Variants in ARHGAP22 observed in about 807,000 individuals in gnomAD.
ARHGAP22 encodes rho GTPase-activating protein 22.
In ARHGAP22, 48 loss-of-function variants were observed where a neutral mutation model predicts 59.1. The ratio of observed to expected loss-of-function variants is 0.81; its 90% confidence interval spans 0.64 to 1.03. The LOEUF (loss-of-function observed/expected upper bound fraction) is 1.03, where lower values mean the gene tolerates loss of function less well. ARHGAP22 is among the 50% of genes least tolerant of loss of function. The pLI is 0.00. For synonymous variants in ARHGAP22, 445 were observed against 416.4 expected, an observed-to-expected ratio of 1.07 and a Z score of -0.84; for missense variants, 1,015 against 958.7, an observed-to-expected ratio of 1.06 and a Z score of -0.78.
At chr10:48,454,229 A>T (rs2046275754) in intron 6 of ARHGAP22, 68 bp from the exon 7 acceptor site, 2,453 of 962,456 alleles carry the variant, frequency 2.5e-3, no homozygotes, top group Non-Finnish European at 3.7e-3. Context: ...GACTGCGAGG[A>T]GGGGTGGGCA....
chr10:48,584,901 G>A (rs1461246517), intron 1 of ARHGAP22, among the ~76,000 whole-genome samples: 2 of 151,832 alleles, frequency 1.3e-5, no homozygotes, highest in Non-Finnish European at 2.9e-5. Flanking sequence ...GGCTGAGGCA[G>A]GAGAATGGCC....
At chr10:48,440,407 G>A in the ARHGAP22 span, among the ~76,000 whole-genome samples, 16 of 152,200 alleles carry the variant, frequency 1.1e-4, no homozygotes, top group African/African-American at 3.6e-4. Context: ...AATAGAAAAC[G>A]GATGACAAGA....
chr10:48,547,347 C>G (rs1193542768), intron 3 of ARHGAP22, among the ~76,000 whole-genome samples: 1 of 152,252 alleles, frequency 6.6e-6, no homozygotes, highest in Non-Finnish European at 1.5e-5. Flanking sequence ...AACCCAAGAC[C>G]TCAAAGCCAT....
At chr10:48,645,545 T>C (rs954997411) in intron 1 of ARHGAP22, among the ~76,000 whole-genome samples, 1 of 152,172 alleles carries the variant, frequency 6.6e-6, no homozygotes, top group Non-Finnish European at 1.5e-5. Context: ...ACAAAACCCA[T>C]ATAATCATCT....
chr10:48,550,176 C>A (rs916999937), intron 3 of ARHGAP22, among the ~76,000 whole-genome samples: 1 of 152,218 alleles, frequency 6.6e-6, no homozygotes, highest in Non-Finnish European at 1.5e-5. Context: ...GGGTCGTTGT[C>A]ACTTTATCCT....
chr10:48,607,711 C>T (rs559302260), upstream of ARHGAP22, among the ~76,000 whole-genome samples: 2 of 152,232 alleles, frequency 1.3e-5, no homozygotes, highest in Non-Finnish European at 2.9e-5. Flanking sequence ...AGCTTAGCAG[C>T]GGAGACAGAT....
chr10:48,607,585 G>T (rs768303178), upstream of ARHGAP22, among the ~76,000 whole-genome samples: 2 of 152,180 alleles, frequency 1.3e-5, no homozygotes, highest in African/African-American at 2.4e-5. Flanking sequence ...GACAAGGGCA[G>T]GGCAAGGGGA....
downstream of ARHGAP22, chr10:48,443,978 A>T (rs1224636043): frequency 6.6e-6 from 1 of 152,224 alleles, no homozygotes; most frequent in Non-Finnish European, 1.5e-5. Context: ...CACAATTTCC[A>T]GTATTTCTTT....
At chr10:48,615,590 C>G (rs895107789) in intron 1 of ARHGAP22, among the ~76,000 whole-genome samples, 1 of 152,082 alleles carries the variant, frequency 6.6e-6, no homozygotes. Context: ...AGAAACAAAG[C>G]TACACAAAGT....
intron 3 of ARHGAP22, among the ~76,000 whole-genome samples, chr10:48,545,248 T>C (rs923151731): frequency 5.3e-5 from 8 of 152,248 alleles, no homozygotes; most frequent in African/African-American, 7.2e-5. Flanking sequence ...TGGCTTGCAT[T>C]ACATCTCTAT....
At chr10:48,533,663 C>G (rs1341002289) in intron 3 of ARHGAP22, among the ~76,000 whole-genome samples, 2 of 152,240 alleles carry the variant, frequency 1.3e-5, no homozygotes, top group African/African-American at 4.8e-5. Context: ...TTAGCAACTA[C>G]TCAGCTCCAC....
rs186355047 is a variant in ARHGAP22, at chr10:48,582,875, C to G, written c.234+78G>C. 1.0e-4 allele frequency: 155 copies of G among 1,535,434 alleles called. No homozygotes were observed. The East Asian group carries it at 1.9e-3, about 19-fold the overall frequency. On this transcript the variant is annotated intron_variant, in intron 2 of 9. Transcript: ENST00000249601. ...GGAGTCAGTGGCTCTGTGCCTTCCT[C>G]CCTTCTCCTGGGCATGGTCTTCCCT... is the stretch of plus-strand genomic sequence containing the variant.
chr10:48,619,327 G>A (rs900207786), intron 1 of ARHGAP22, among the ~76,000 whole-genome samples: 11 of 152,088 alleles, frequency 7.2e-5, no homozygotes, highest in Admixed American at 4.6e-4. Context: ...ATTCTTCATA[G>A]AAATGGAAAA....
Position 48,451,089 on chromosome 10 carries a change from T to G in ARHGAP22, c.1040A>C (p.Gln347Pro). ...LMTVLIRKHS[Q>P]LFTAPVPEGP... is the part of the protein sequence containing the mutation. Reference sequence around the variant, plus strand: ...TTCCGGGACCGGTGCCGTGAAGAGCTGGCTGTGTTTGCGGATGAGGACGGT... The same window carrying G: ...TTCCGGGACCGGTGCCGTGAAGAGCGGGCTGTGTTTGCGGATGAGGACGGT... Residue 347 changes from glutamine (Q) to proline (P), a missense_variant, in exon 9 of 10, where the codon CAG (glutamine) becomes CCG (proline). By Grantham distance (76) the Gln-to-Pro change is moderately conservative. Coordinates refer to ENST00000249601, the MANE Select transcript of ARHGAP22 (RefSeq NM_021226.4). 1 of 1,553,098 alleles carries G rather than the reference T, an allele frequency of 6.4e-7. No individual in the cohort carries two copies. Among genetic ancestry groups the G allele is most frequent in the Non-Finnish European group, 8.7e-7 (1 of 1,148,188 alleles).
rs760461863 is a variant in ARHGAP22 at position 48,555,452 on chromosome 10, C to T, written c.322+11G>A. Reference sequence around the variant, plus strand: ...ACCAGGGCTGCAGAGCTGGAAGGTGCTCAGGCCTACCTGGGCTGATCTCAA... The same window carrying T: ...ACCAGGGCTGCAGAGCTGGAAGGTGTTCAGGCCTACCTGGGCTGATCTCAA... On this transcript the variant is annotated intron_variant, in intron 3 of 9. Transcript: ENST00000249601. The T allele has an allele frequency of 1.1e-5, 17 of 1,613,314 alleles. No homozygotes were observed. The South Asian group carries it at 1.3e-4, about 13-fold the overall frequency.
chr10:48,634,676 T>C (rs372331025), intron 1 of ARHGAP22, among the ~76,000 whole-genome samples: 10 of 152,242 alleles, frequency 6.6e-5, no homozygotes, highest in African/African-American at 2.2e-4. Flanking sequence ...TTCTCAGGGC[T>C]GACAGCTCTG....
intron 3 of ARHGAP22, among the ~76,000 whole-genome samples, chr10:48,529,318 C>T (rs1032816438): frequency 3.3e-5 from 5 of 152,194 alleles, no homozygotes; most frequent in African/African-American, 9.7e-5. Flanking sequence ...CAGCTAACCA[C>T]ACCTTCCAGT....
chr10:48,624,324 C>T (rs1437037685), intron 1 of ARHGAP22: 1 of 152,162 alleles, frequency 6.6e-6, no homozygotes, highest in African/African-American at 2.4e-5. Flanking sequence ...GCTTGTAATC[C>T]CAGCTACTCA....
upstream of ARHGAP22, among the ~76,000 whole-genome samples, chr10:48,653,503 C>T (rs886341780): frequency 2.6e-5 from 4 of 152,308 alleles, no homozygotes; most frequent in East Asian, 5.8e-4. Flanking sequence ...CAGAAGGGAG[C>T]GCTGGAACAG....
Sources: allele counts gnomAD v4.1 joint callset (sites outside exome capture counted in the v4.1 genomes callset), GRCh38; gene constraint gnomAD v4.1.1; transcripts MANE v1.5; gene names NCBI Gene and HGNC (gene_info 2026-07-23, HGNC 2026-07-21).